Variants in ADGRL2 observed in about 807,000 individuals in gnomAD.
The protein encoded by ADGRL2 is adhesion G protein-coupled receptor L2, also known as calcium-independent alpha-latrotoxin receptor 2.
A neutral mutation model predicts 157.4 loss-of-function variants in ADGRL2; 44 were observed. That is an observed-to-expected ratio of 0.28 (90% CI 0.22 to 0.36). The LOEUF is 0.36. ADGRL2 is among the 10% of genes least tolerant of loss of function. The pLI, the probability that ADGRL2 is intolerant of heterozygous loss-of-function variation, is 1.00. For synonymous variants in ADGRL2, 585 were observed against 624.7 expected, an observed-to-expected ratio of 0.94 and a Z score of 0.95; for missense variants, 1,510 against 1,768.9, an observed-to-expected ratio of 0.85 and a Z score of 2.63.
chr1:81,375,181 T>C (rs1375940486), intron 1 of ADGRL2, among the ~76,000 whole-genome samples: 1 of 152,204 alleles, frequency 6.6e-6, no homozygotes, highest in African/African-American at 2.4e-5. Flanking sequence ...TCTTAATAAG[T>C]GTATACAAAG....
intron 23 of ADGRL2, 60 bp from the exon 24 acceptor site, chr1:81,990,331 A>G (rs997988450): frequency 3.2e-6 from 5 of 1,550,688 alleles, no homozygotes; most frequent in East Asian, 2.3e-5. Flanking sequence ...TACAAAAGAA[A>G]TAGAGTTTCT....
At chr1:81,397,423 C>G in intron 1 of ADGRL2, among the ~76,000 whole-genome samples, 9 of 147,648 alleles carry the variant, frequency 6.1e-5, no homozygotes, top group Non-Finnish European at 1.2e-4. Flanking sequence ...GGGTTCACGC[C>G]ATTCTCCTGC....
chr1:81,427,389 ATGG>A (rs1001933995), intron 1 of ADGRL2: 6 of 740,302 alleles, frequency 8.1e-6, no homozygotes, highest in South Asian at 1.4e-5. Flanking sequence ...GGTGGTAGAT[ATGG>A]TGGTGGTGGT....
intron 3 of ADGRL2, chr1:81,625,598 G>A (rs971818895): frequency 5.3e-5 from 8 of 152,206 alleles, no homozygotes; most frequent in African/African-American, 9.6e-5. Context: ...AATTCATGTC[G>A]TGAGAGTTGA....
chr1:81,828,608 G>A lies in ADGRL2; in HGVS notation c.-100-8277G>A, dbSNP rs2091693825. Among the ~76,000 whole-genome samples, 4 of 151,842 alleles carry A rather than the reference G, an allele frequency of 2.6e-5. No homozygotes were observed. In the South Asian group the frequency reaches 8.3e-4, roughly 32 times the overall value. On this transcript the variant is annotated intron_variant, in intron 1 of 23. Transcript: ENST00000686636. ...TTTTTCTCTGCTTTTTATAACCTATGTTTCTTTTTTATTAAATGTCACTGC... is the reference window on the plus strand; with the variant it reads ...TTTTTCTCTGCTTTTTATAACCTATATTTCTTTTTTATTAAATGTCACTGC...
At chr1:81,688,067 G>A (rs1378950107) in intron 3 of ADGRL2, among the ~76,000 whole-genome samples, 1 of 152,060 alleles carries the variant, frequency 6.6e-6, no homozygotes, top group Non-Finnish European at 1.5e-5. Flanking sequence ...TTCCTTTATA[G>A]GTTACCTGAT....
chr1:81,382,139 C>T (rs535001072), intron 1 of ADGRL2, among the ~76,000 whole-genome samples: 15 of 152,264 alleles, frequency 9.9e-5, no homozygotes, highest in African/African-American at 3.6e-4. Flanking sequence ...GCGTGGCATA[C>T]ATTATATAAT....
At chr1:81,545,025 C>T (rs565963085) in intron 2 of ADGRL2, among the ~76,000 whole-genome samples, 54 of 152,244 alleles carry the variant, frequency 3.5e-4, no homozygotes, top group African/African-American at 1.1e-3. Flanking sequence ...CGAGACATCC[C>T]TGGTTCCATC....
intron 2 of ADGRL2, among the ~76,000 whole-genome samples, chr1:81,563,377 T>G (rs79119007): frequency 0.018 from 2,697 of 152,260 alleles, 78 homozygotes; most frequent in African/African-American, 0.061. Flanking sequence ...CTTTGATTAC[T>G]TAAGGGATAG....
intron 2 of ADGRL2, among the ~76,000 whole-genome samples, chr1:81,839,872 C>CATATATATATATTTTCCATCAT (rs2092473515): frequency 7.7e-6 from 1 of 130,206 alleles, no homozygotes; most frequent in African/African-American, 2.8e-5. Flanking sequence ...TATTTTCCAT[C>CATATATATATATTTTCCATCAT]ATATATATAT....
intron 1 of ADGRL2, among the ~76,000 whole-genome samples, chr1:81,707,242 G>T (rs1206716539): frequency 6.6e-6 from 1 of 152,054 alleles, no homozygotes; most frequent in Non-Finnish European, 1.5e-5. Flanking sequence ...GGGAAAAAAA[G>T]GATGACTAAG....
At chr1:81,616,582 T>A (rs959948374) in intron 3 of ADGRL2, among the ~76,000 whole-genome samples, 23 of 152,084 alleles carry the variant, frequency 1.5e-4, no homozygotes, top group Non-Finnish European at 2.8e-4. Flanking sequence ...TGTTCAGCAC[T>A]ATGAGTCCTC....
chr1:81,881,324 C>G (rs1045257771), intron 2 of ADGRL2, among the ~76,000 whole-genome samples: 2 of 152,098 alleles, frequency 1.3e-5, no homozygotes, highest in African/African-American at 4.8e-5. Flanking sequence ...TACAGGAGCC[C>G]GCCGCCACGC....
upstream of ADGRL2, among the ~76,000 whole-genome samples, chr1:81,797,724 C>A (rs190964180): frequency 6.6e-6 from 1 of 152,070 alleles, no homozygotes; most frequent in Non-Finnish European, 1.5e-5. Flanking sequence ...ATTAGCATAA[C>A]GTCTGTACCA....
At chr1:81,845,954 A>G (rs1325201817) in intron 2 of ADGRL2, among the ~76,000 whole-genome samples, 2 of 151,932 alleles carry the variant, frequency 1.3e-5, no homozygotes, top group African/African-American at 2.4e-5. Flanking sequence ...TTAAAAATGT[A>G]TATCTTGATC....
rs989314580 is a variant in ADGRL2 at position 81,830,260 on chromosome 1, T to A, written c.-100-6625T>A. 3.9e-4 allele frequency among the ~76,000 whole-genome samples: 59 copies of A among 152,142 alleles called. 1 individual carries two copies. The highest frequency in any genetic ancestry group is 2.1e-4 in the South Asian group (1 of 4,818). ...ATAACACTCGTTTTAGCACTGGATATCCATTAAAAATGTGTAGGAAGTACT... is the reference window on the plus strand; with the variant it reads ...ATAACACTCGTTTTAGCACTGGATAACCATTAAAAATGTGTAGGAAGTACT... On this transcript the variant is annotated intron_variant, in intron 1 of 23. Transcript: ENST00000686636.
intron 1 of ADGRL2, among the ~76,000 whole-genome samples, chr1:81,438,589 TC>T (rs2077452081): frequency 6.6e-6 from 1 of 152,124 alleles, no homozygotes; most frequent in Non-Finnish European, 1.5e-5. Flanking sequence ...AACCACCATA[TC>T]AGAAAATGCT....
chr1:81,313,573 A>T (rs1022720692), intron 1 of ADGRL2, among the ~76,000 whole-genome samples: 2 of 152,198 alleles, frequency 1.3e-5, no homozygotes, highest in African/African-American at 4.8e-5. Context: ...TGTGCAGGCC[A>T]CTATGAGTTT....
At chr1:81,705,126 C>T (rs1018657143) in intron 1 of ADGRL2, among the ~76,000 whole-genome samples, 3 of 152,252 alleles carry the variant, frequency 2.0e-5, no homozygotes, top group Middle Eastern at 3.4e-3. Flanking sequence ...AATCTCGGCT[C>T]ACTGCAACCT....
Sources: gnomAD v4.1 joint callset for allele counts (sites outside exome capture counted in the v4.1 genomes callset) on GRCh38, gnomAD v4.1.1 for gene constraint, MANE v1.5 for transcripts, NCBI Gene and HGNC (gene_info 2026-07-23, HGNC 2026-07-21) for gene names.